The following NR1H4 variants were observed in gnomAD, a reference collection of about 807,000 sequenced individuals.
NR1H4 encodes the protein nuclear receptor subfamily 1 group H member 4.
In NR1H4, 23 loss-of-function variants were observed where a neutral mutation model predicts 58.5. The ratio of observed to expected loss-of-function variants is 0.39; its 90% CI spans 0.28 to 0.56. The LOEUF (loss-of-function observed/expected upper bound fraction) is 0.56. Among genes scored for constraint, NR1H4 ranks in the 20% least tolerant of loss-of-function variants. NR1H4 has a pLI of 0.58. For missense variants in NR1H4, 487 were observed against 576.9 expected (o/e 0.84, Z 1.60); for synonymous variants, 214 against 198.0 (o/e 1.08, Z -0.68).
At chr12:100,541,520 G>A (rs182002066) in intron 9 of NR1H4, among the ~76,000 whole-genome samples, 1 of 151,868 alleles carries the variant, frequency 6.6e-6, no homozygotes, top group Non-Finnish European at 1.5e-5. Context: ...GGTCTCAAGC[G>A]ATCAGCCTGA....
intron 4 of NR1H4, among the ~76,000 whole-genome samples, chr12:100,528,456 T>A (rs993475792): frequency 1.3e-5 from 2 of 152,066 alleles, no homozygotes; most frequent in African/African-American, 4.8e-5. Context: ...CTATAGCTAT[T>A]TTCTTGCTAC....
intron 9 of NR1H4, among the ~76,000 whole-genome samples, chr12:100,558,027 T>G (rs1955370124): frequency 6.6e-6 from 1 of 152,130 alleles, no homozygotes; most frequent in Non-Finnish European, 1.5e-5. Context: ...GAAGTGGCAC[T>G]AAGAAGTCTG....
At chr12:100,544,408 T>G (rs1197302741) in intron 9 of NR1H4, among the ~76,000 whole-genome samples, 1 of 152,098 alleles carries the variant, frequency 6.6e-6, no homozygotes, top group Non-Finnish European at 1.5e-5. Context: ...CAAGAGACAG[T>G]GGTGATTAAG....
chr12:100,511,945 T>A (rs971381238), intron 4 of NR1H4, among the ~76,000 whole-genome samples: 5 of 150,710 alleles, frequency 3.3e-5, no homozygotes, highest in South Asian at 2.1e-4. Flanking sequence ...TTTTTTTTTT[T>A]ATTTAGCCTA....
At chr12:100,530,243 G>C (rs1301030230) in intron 4 of NR1H4, among the ~76,000 whole-genome samples, 3 of 152,152 alleles carry the variant, frequency 2.0e-5, no homozygotes, top group Non-Finnish European at 4.4e-5. Context: ...ATGACTGCCT[G>C]GGTTTGAACC....
Position 100,502,945 on chromosome 12 carries a change from G to A in NR1H4, c.80-7833G>A, listed in dbSNP as rs770639915. 4.6e-5 allele frequency among the ~76,000 whole-genome samples: 7 copies of A among 152,262 alleles called. No individual in the cohort carries two copies. In the East Asian group the frequency reaches 5.8e-4, roughly 13 times the overall value. On this transcript the variant is annotated intron_variant, in intron 3 of 10. Transcript: ENST00000392986. The stretch of plus-strand genomic sequence containing the variant: ...GATTCAATTATCTCCTACAGGATCC[G>A]TCCCACAACACGTGGGGATTATGGG...
chr12:100,527,844 G>A (rs1668338569), intron 4 of NR1H4, among the ~76,000 whole-genome samples: 1 of 151,970 alleles, frequency 6.6e-6, no homozygotes, highest in Non-Finnish European at 1.5e-5. Flanking sequence ...TTTTATGGCT[G>A]TATATTATCC....
At position 100,492,590 on chromosome 12, in the gene NR1H4, C is replaced by T. The variant is rs1007561286; in HGVS notation, c.-102C>T. ...AGTGAACACTGCTTCTCTTAGTTTC[C>T]TGGATTTCTTCTGGACATTTCCTCA... On this transcript the variant is annotated 5_prime_UTR_variant, in exon 2 of 11. Transcript: ENST00000392986. 2 of 152,106 alleles carry T rather than the reference C, an allele frequency of 1.3e-5. No homozygotes were observed. The highest frequency in any genetic ancestry group is 2.9e-5 in the Non-Finnish European group (2 of 68,018). 9.4% of individuals were successfully genotyped at this position (152,106 alleles called of 1,614,324 possible). A position where few individuals can be genotyped will look rare whatever the true frequency, so the allele number is the denominator to read the frequency against.
At chr12:100,537,328 A>T (rs75496435) in intron 8 of NR1H4, among the ~76,000 whole-genome samples, 1,843 of 152,338 alleles carry the variant, frequency 0.012, 33 homozygotes, top group African/African-American at 0.034. Flanking sequence ...TAGACATAAG[A>T]TATTAGAACT....
At chr12:100,496,760 GT>G (rs1193281440) in intron 3 of NR1H4, among the ~76,000 whole-genome samples, 5 of 152,106 alleles carry the variant, frequency 3.3e-5, no homozygotes, top group Admixed American at 1.3e-4. Flanking sequence ...TATTATAAAG[GT>G]CATAATTCAA....
chr12:100,509,221 T>C (rs1954044745), intron 3 of NR1H4, among the ~76,000 whole-genome samples: 1 of 152,248 alleles, frequency 6.6e-6, no homozygotes, highest in African/African-American at 2.4e-5. Flanking sequence ...AGAGATGGAA[T>C]TGGAATTTTG....
chr12:100,482,688 C>G (rs868125170), intron 1 of NR1H4, among the ~76,000 whole-genome samples: 1 of 152,136 alleles, frequency 6.6e-6, no homozygotes, highest in Non-Finnish European at 1.5e-5. Flanking sequence ...GGAGTTTGTG[C>G]TAATCAAGGA....
At chr12:100,491,231 C>G (rs771043898) in intron 1 of NR1H4, among the ~76,000 whole-genome samples, 1 of 152,008 alleles carries the variant, frequency 6.6e-6, no homozygotes, top group African/African-American at 2.4e-5. Context: ...TCTGGCTGTT[C>G]CTTCCACTCC....
At chr12:100,553,092 G>A (rs555971350) in intron 9 of NR1H4, among the ~76,000 whole-genome samples, 5 of 152,046 alleles carry the variant, frequency 3.3e-5, no homozygotes, top group South Asian at 2.1e-4. Flanking sequence ...TCCGTCTCTC[G>A]GGTTCAAGCA....
At position 100,545,641 on chromosome 12, in the gene NR1H4, C is replaced by CAAAAAA. The variant is rs35404680; in HGVS notation, c.1078+4846_1078+4851dup. 5.0e-3 allele frequency among the ~76,000 whole-genome samples: 39 copies of CAAAAAA among 7,840 alleles called. 3 individuals are homozygous for CAAAAAA. Among genetic ancestry groups the CAAAAAA allele is most frequent in the African/African-American group, 0.017 (33 of 1,916 alleles). 5.1% of individuals were successfully genotyped at this position (7,840 alleles called of 152,430 possible). A position where few individuals can be genotyped will look rare whatever the true frequency, so the allele number is the denominator to read the frequency against. On this transcript the variant is annotated intron_variant, in intron 9 of 10. Coordinates refer to ENST00000392986, the MANE Select transcript of NR1H4 (RefSeq NM_001206979.2). Reference sequence around the variant, plus strand: ...TGGGTGACAGAGTGAGACCTTGTCTCAAAAAAAAAAAAAAAAAAAAAAAAA... The same window carrying CAAAAAA: ...TGGGTGACAGAGTGAGACCTTGTCTCAAAAAAAAAAAAAAAAAAAAAAAAAAAAAAA...
At chr12:100,518,472 T>C (rs573477104) in intron 4 of NR1H4, among the ~76,000 whole-genome samples, 1 of 152,190 alleles carries the variant, frequency 6.6e-6, no homozygotes, top group Non-Finnish European at 1.5e-5. Flanking sequence ...TGATTTTGAT[T>C]TGAGACGTTG....
intron 9 of NR1H4, among the ~76,000 whole-genome samples, chr12:100,551,684 TG>T (rs1339874217): frequency 6.6e-6 from 1 of 152,240 alleles, no homozygotes; most frequent in Non-Finnish European, 1.5e-5. Flanking sequence ...GTTCCTCAGC[TG>T]TATTTCCCAA....
rs368138856 is a variant in NR1H4, at chr12:100,510,830, A to T, written c.132A>T (p.Glu44Asp). 2 of 1,614,004 alleles carry T rather than the reference A, an allele frequency of 1.2e-6. No homozygotes were observed. Among genetic ancestry groups the T allele is most frequent in the African/African-American group, 2.7e-5 (2 of 74,910 alleles). The change falls in exon 4 of 11, where the codon GAA becomes GAT. Residue 44 changes from glutamate (E) to aspartate (D), a missense_variant. Coordinates refer to ENST00000392986, the MANE Select transcript of NR1H4 (RefSeq NM_001206979.2). ...AGPLGQNLEV[E>D]PYSQYSNVQF... ...CTCTGGGACAGAACCTGGAAGTGGAACCATACTCGCAATACAGCAATGTTC... is the reference window on the plus strand; with the variant it reads ...CTCTGGGACAGAACCTGGAAGTGGATCCATACTCGCAATACAGCAATGTTC...
At chr12:100,488,665 C>A (rs1953545536) in intron 1 of NR1H4, among the ~76,000 whole-genome samples, 2 of 151,992 alleles carry the variant, frequency 1.3e-5, no homozygotes, top group South Asian at 4.1e-4. Context: ...TGAGGAAGAA[C>A]AGGAATGATT....
Sources: gnomAD v4.1 joint callset for allele counts (sites outside exome capture counted in the v4.1 genomes callset) on GRCh38, gnomAD v4.1.1 for gene constraint, MANE v1.5 for transcripts, NCBI Gene and HGNC (gene_info 2026-07-23, HGNC 2026-07-21) for gene names.